Variants in PLCXD2 observed in about 807,000 individuals in gnomAD.
PLCXD2 encodes phosphatidylinositol specific phospholipase C X domain containing 2.
A neutral mutation model predicts 28.6 loss-of-function variants in PLCXD2; 21 were observed. The observed-to-expected ratio is 0.73, with a 90% CI of 0.52 to 1.06. PLCXD2 has a LOEUF of 1.06. Ranked by LOEUF, PLCXD2 falls within the 50% of genes least tolerant of loss-of-function variation. The pLI is 0.00. For missense variants in PLCXD2, 369 were observed against 376.7 expected, an observed-to-expected ratio of 0.98 and a Z score of 0.17; for synonymous variants, 140 against 150.1, an observed-to-expected ratio of 0.93 and a Z score of 0.49.
chr3:111,681,945 C>T (rs908997455), intron 1 of PLCXD2, among the ~76,000 whole-genome samples: 4 of 152,168 alleles, frequency 2.6e-5, no homozygotes, highest in Admixed American at 1.3e-4. Flanking sequence ...CTGGGAAAAT[C>T]GCAAACCACT....
intron 3 of PLCXD2, chr3:111,720,963 T>A (rs953078483): frequency 4.8e-6 from 2 of 412,636 alleles, no homozygotes; most frequent in African/African-American, 4.1e-5. Flanking sequence ...GGATGGCCCC[T>A]GGGGCAGTGA....
intron 1 of PLCXD2, among the ~76,000 whole-genome samples, chr3:111,694,824 T>A (rs1940938397): frequency 6.6e-6 from 1 of 152,158 alleles, no homozygotes; most frequent in African/African-American, 2.4e-5. Context: ...ACTGTCAAAG[T>A]CTGAGAGTGG....
chr3:111,700,698 C>A (rs1941029419), intron 1 of PLCXD2, among the ~76,000 whole-genome samples: 1 of 152,042 alleles, frequency 6.6e-6, no homozygotes, highest in Admixed American at 6.6e-5. Flanking sequence ...TATAGACAGA[C>A]AATATACCTC....
At chr3:111,718,695 A>C (rs1941307847) in intron 3 of PLCXD2, among the ~76,000 whole-genome samples, 1 of 152,268 alleles carries the variant, frequency 6.6e-6, no homozygotes, top group African/African-American at 2.4e-5. Flanking sequence ...AAAACTGAGA[A>C]GTCAAGATAT....
intron 1 of PLCXD2, among the ~76,000 whole-genome samples, chr3:111,684,048 T>C (rs990096179): frequency 6.6e-6 from 1 of 152,098 alleles, no homozygotes; most frequent in Non-Finnish European, 1.5e-5. Context: ...AAAGCCATGT[T>C]AGGCCAGGCG....
At chr3:111,717,266 C>A (rs902941230) in intron 3 of PLCXD2, among the ~76,000 whole-genome samples, 1 of 151,918 alleles carries the variant, frequency 6.6e-6, no homozygotes, top group Non-Finnish European at 1.5e-5. Flanking sequence ...AATAGACATG[C>A]CATCCCTATT....
chr3:111,677,381 C>G (rs531624084), intron 1 of PLCXD2: 1 of 152,296 alleles, frequency 6.6e-6, no homozygotes, highest in South Asian at 2.1e-4. Flanking sequence ...TCTACCAGTC[C>G]TTGCTGAGAA....
rs748722940 is a variant in PLCXD2 at position 111,708,239 on chromosome 3, C to T, written c.477C>T (p.Phe159=). ...CACAGCACCCCCAGGAGATTATCTT[C>T]CTGGATTTCAACCACTTCTATGCCA... Residue 159 remains phenylalanine (F), a synonymous_variant, in exon 2 of 5, where the codon TTC becomes TTT. Transcript: ENST00000477665. The T allele has an allele frequency of 6.2e-7, 1 of 1,614,134 alleles. No individual in the cohort carries two copies. Among genetic ancestry groups the T allele is most frequent in the South Asian group, 1.1e-5 (1 of 91,086 alleles).
intron 1 of PLCXD2, among the ~76,000 whole-genome samples, chr3:111,701,153 A>G (rs1478159340): frequency 6.6e-6 from 1 of 152,232 alleles, no homozygotes; most frequent in Non-Finnish European, 1.5e-5. Context: ...CTGACTAATT[A>G]AAAATGGCTA....
At chr3:111,702,133 A>G (rs186339839) in intron 1 of PLCXD2, among the ~76,000 whole-genome samples, 1 of 152,294 alleles carries the variant, frequency 6.6e-6, no homozygotes, top group East Asian at 1.9e-4. Flanking sequence ...AATACAGAAC[A>G]GATCCCTGGA....
intron 1 of PLCXD2, among the ~76,000 whole-genome samples, chr3:111,702,044 T>A (rs750910903): frequency 1.3e-5 from 2 of 152,148 alleles, no homozygotes; most frequent in Admixed American, 1.3e-4. Context: ...GAAAGGAAGC[T>A]TTTGGTGTCA....
chr3:111,699,292 G>A (rs1290244498), intron 1 of PLCXD2, among the ~76,000 whole-genome samples: 1 of 152,154 alleles, frequency 6.6e-6, no homozygotes, highest in Non-Finnish European at 1.5e-5. Flanking sequence ...GTAATGAAAT[G>A]TATCATTTCA....
intron 3 of PLCXD2, among the ~76,000 whole-genome samples, chr3:111,719,048 T>C (rs1576465497): frequency 6.6e-6 from 1 of 152,298 alleles, no homozygotes; most frequent in South Asian, 2.1e-4. Context: ...TGTATATCCA[T>C]ATGAAAAAAG....
At chr3:111,689,245 A>G (rs1052858610) in intron 1 of PLCXD2, among the ~76,000 whole-genome samples, 2 of 152,212 alleles carry the variant, frequency 1.3e-5, no homozygotes, top group Admixed American at 1.3e-4. Flanking sequence ...CAAATGCCCA[A>G]AATTAGAGAT....
chr3:111,722,654 G>A (rs78999630), intron 3 of PLCXD2: 3 of 152,136 alleles, frequency 2.0e-5, no homozygotes, highest in African/African-American at 4.8e-5. Context: ...ATGGAGTCCC[G>A]AATGGATGTA....
chr3:111,685,239 T>C (rs1940777176), intron 1 of PLCXD2, among the ~76,000 whole-genome samples: 1 of 152,240 alleles, frequency 6.6e-6, no homozygotes, highest in African/African-American at 2.4e-5. Flanking sequence ...TCCTCATTTT[T>C]AGATTATATA....
At position 111,726,034 on chromosome 3, in the gene PLCXD2, A is replaced by G. The variant is rs1022012492; in HGVS notation, c.867-6585A>G. ...TTCAAATGCATTATTCTACCCCTCA[A>G]CCTACATCCAATCATTAGAACTATA... On this transcript the variant is annotated intron_variant, in intron 3 of 4. Coordinates refer to ENST00000477665, the MANE Select transcript of PLCXD2 (RefSeq NM_001185106.1). 6 of 351,500 alleles carry G rather than the reference A, an allele frequency of 1.7e-5. No individual in the cohort carries two copies. The Admixed American group carries it at 1.8e-4, about 11-fold the overall frequency. The allele number at this position is 351,500 out of a possible 1,614,324, so 21.8% of individuals were successfully genotyped here. A position where few individuals can be genotyped will look rare whatever the true frequency, so the allele number is the denominator to read the frequency against.
intron 1 of PLCXD2, among the ~76,000 whole-genome samples, chr3:111,698,351 T>C (rs904908364): frequency 5.3e-5 from 8 of 152,214 alleles, no homozygotes; most frequent in African/African-American, 1.9e-4. Flanking sequence ...GCCAGGATTA[T>C]GAACTCAGGC....
chr3:111,689,524 C>T (rs193300792), intron 1 of PLCXD2, among the ~76,000 whole-genome samples: 7 of 152,344 alleles, frequency 4.6e-5, no homozygotes, highest in Admixed American at 2.6e-4. Flanking sequence ...AACCCACCTT[C>T]GCTTTGCCTC....
Sources: gnomAD v4.1 joint callset for allele counts (sites outside exome capture counted in the v4.1 genomes callset) on GRCh38, gnomAD v4.1.1 for gene constraint, MANE v1.5 for transcripts, NCBI Gene and HGNC (gene_info 2026-07-23, HGNC 2026-07-21) for gene names.